ERO1A: variants seen among roughly 807,000 people sequenced by gnomAD.
ERO1A encodes endoplasmic reticulum oxidoreductase 1 alpha.
A neutral mutation model predicts 76.9 loss-of-function variants in ERO1A; 49 were observed. The observed-to-expected ratio is 0.64, with a 90% CI of 0.51 to 0.81. The LOEUF is 0.81. Among genes scored for constraint, ERO1A ranks in the 30% least tolerant of loss-of-function variants. The pLI is 0.00. For missense variants in ERO1A, 448 were observed against 542.1 expected (o/e 0.83, Z 1.72); for synonymous variants, 174 against 181.2 (o/e 0.96, Z 0.32).
intron 6 of ERO1A, among the ~76,000 whole-genome samples, chr14:52,669,838 T>C (rs2040538004): frequency 6.6e-6 from 1 of 152,218 alleles, no homozygotes. Flanking sequence ...AGCCACAAAA[T>C]TAAAAATACT....
At chr14:52,682,790 T>C (rs751946615) in intron 2 of ERO1A, among the ~76,000 whole-genome samples, 10 of 151,578 alleles carry the variant, frequency 6.6e-5, no homozygotes, top group Admixed American at 1.3e-4. Flanking sequence ...TCCTAGCTAC[T>C]CGGGAGGCTG....
chr14:52,695,150 A>G (rs1171458902), intron 1 of ERO1A, among the ~76,000 whole-genome samples: 1 of 152,222 alleles, frequency 6.6e-6, no homozygotes, highest in East Asian at 1.9e-4. Flanking sequence ...TCCTGGTCCG[A>G]GGCACCGGAG....
At chr14:52,692,713 T>C (rs1052368521) in intron 1 of ERO1A, among the ~76,000 whole-genome samples, 1 of 152,190 alleles carries the variant, frequency 6.6e-6, no homozygotes, top group Non-Finnish European at 1.5e-5. Context: ...AATGCCATAG[T>C]TATTTCTGTG....
chr14:52,680,086 A>C (rs191879818), intron 3 of ERO1A, among the ~76,000 whole-genome samples: 21 of 109,452 alleles, frequency 1.9e-4, no homozygotes, highest in South Asian at 9.6e-4. Flanking sequence ...CACAAACAAA[A>C]AAAAAAAAAA....
chr14:52,660,309 AT>A (rs1234497914), intron 9 of ERO1A, among the ~76,000 whole-genome samples: 1 of 152,116 alleles, frequency 6.6e-6, no homozygotes, highest in Non-Finnish European at 1.5e-5. Flanking sequence ...TTAACGATCT[AT>A]TTTTCTGATA....
chr14:52,688,629 C>G (rs2139785177), intron 1 of ERO1A, among the ~76,000 whole-genome samples: 1 of 152,256 alleles, frequency 6.6e-6, no homozygotes, highest in Admixed American at 6.5e-5. Context: ...AAGAAAAATA[C>G]AGCCGAATTT....
At chr14:52,645,264 A>C (rs191787768) in intron 15 of ERO1A, among the ~76,000 whole-genome samples, 84 of 151,770 alleles carry the variant, frequency 5.5e-4, no homozygotes, top group African/African-American at 2.0e-3. Flanking sequence ...AAATTCAATG[A>C]GTAATTATAA....
In ERO1A at chr14:52,683,922, A is replaced by G; in HGVS notation, c.115-15T>C. The stretch of plus-strand genomic sequence containing the variant: ...TAACCACTAACCTGTTACAAAGAAA[A>G]TGAAATATTAAATTGAAATGTCCTA... On this transcript the variant is annotated splice_polypyrimidine_tract_variant and intron_variant, in intron 1 of 15. Coordinates refer to ENST00000395686, the MANE Select transcript of ERO1A (RefSeq NM_014584.3). 1 of 1,556,414 alleles carries G rather than the reference A, an allele frequency of 6.4e-7. No homozygotes were observed.
At chr14:52,673,791 G>A (rs2040690881) in intron 4 of ERO1A, among the ~76,000 whole-genome samples, 1 of 151,720 alleles carries the variant, frequency 6.6e-6, no homozygotes, top group African/African-American at 2.4e-5. Flanking sequence ...AAGCTTAAGT[G>A]CAGTGGCACA....
chr14:52,675,419 G>A (rs780851277), intron 4 of ERO1A, among the ~76,000 whole-genome samples: 1 of 151,442 alleles, frequency 6.6e-6, no homozygotes, highest in Admixed American at 6.6e-5. Flanking sequence ...CTAGGTTACG[G>A]GTATAAGAAT....
chr14:52,669,018 C>T (rs968406611), intron 6 of ERO1A, among the ~76,000 whole-genome samples: 11 of 152,146 alleles, frequency 7.2e-5, no homozygotes, highest in Admixed American at 2.0e-4. Context: ...AAGCAGAAAA[C>T]ATGCGTTCTG....
chr14:52,661,241 T>C (rs544682246), intron 9 of ERO1A, 52 bp downstream of exon 9: 2 of 718,492 alleles, frequency 2.8e-6, no homozygotes, highest in East Asian at 6.7e-5. Context: ...ATAATAAACA[T>C]CTGAATGTAT....
intron 7 of ERO1A, among the ~76,000 whole-genome samples, chr14:52,664,736 G>A (rs2040346077): frequency 6.7e-6 from 1 of 149,070 alleles, no homozygotes; most frequent in Non-Finnish European, 1.5e-5. Flanking sequence ...CTGTCACCCA[G>A]GCTGGAGTGC....
At chr14:52,669,059 AC>A (rs2040510931) in intron 6 of ERO1A, among the ~76,000 whole-genome samples, 1 of 152,124 alleles carries the variant, frequency 6.6e-6, no homozygotes, top group African/African-American at 2.4e-5. Context: ...GTTTTCTATC[AC>A]TGAATAGAAC....
At chr14:52,669,732 T>C (rs1291813016) in intron 6 of ERO1A, among the ~76,000 whole-genome samples, 1 of 151,644 alleles carries the variant, frequency 6.6e-6, no homozygotes, top group Admixed American at 6.6e-5. Flanking sequence ...TTTCAGAGTT[T>C]CCAGATTTTA....
intron 6 of ERO1A, among the ~76,000 whole-genome samples, chr14:52,667,339 C>T (rs955261435): frequency 3.3e-5 from 5 of 152,204 alleles, no homozygotes; most frequent in African/African-American, 7.2e-5. Context: ...AGAGCATGGG[C>T]TCTGGAGCCA....
At chr14:52,644,291 G>T (rs2039570748) in intron 15 of ERO1A, among the ~76,000 whole-genome samples, 1 of 151,684 alleles carries the variant, frequency 6.6e-6, no homozygotes, top group African/African-American at 2.4e-5. Flanking sequence ...TTCTCTCTAT[G>T]AAAAACAAGA....
In ERO1A at chr14:52,646,223, T is replaced by C. The variant is rs746733475; in HGVS notation, c.1277A>G (p.Glu426Gly). ...FSEKLIANMP[E>G]SGPSYEFHLT... ...ATGGAATTCATAACTAGGTCCACTT[T>C]CTGGCATATTTGCTATCAATTTCTC... The change falls in exon 15 of 16, where the codon GAA becomes GGA. Residue 426 changes from glutamate to glycine, a missense_variant. Around this residue, in one of 2 missense-constraint regions of ERO1A, gnomAD observed 302 missense variants for 411.9 expected, o/e 0.73. Coordinates refer to ENST00000395686, the MANE Select transcript of ERO1A (RefSeq NM_014584.3). The C allele has an allele frequency of 6.2e-7, 1 of 1,613,946 alleles. No individual in the cohort carries two copies. The highest frequency in any genetic ancestry group is 1.3e-5 in the African/African-American group (1 of 75,052).
rs966491194 is a variant in ERO1A, at chr14:52,656,726, A to C, written c.808+1191T>G. On this transcript the variant is annotated intron_variant, in intron 11 of 15. Transcript: ENST00000395686. ...GACTCTGTCTCAAAAAAAAAAAAAAAAAAACAGTAAAATTACTAATGAGTT... is the reference window on the plus strand; with the variant it reads ...GACTCTGTCTCAAAAAAAAAAAAAACAAAACAGTAAAATTACTAATGAGTT... Among the ~76,000 whole-genome samples the C allele has an allele frequency of 7.9e-5, 12 of 151,986 alleles. No homozygotes were observed. In the East Asian group the frequency reaches 1.2e-3, roughly 15 times the overall value.
Sources: gnomAD v4.1 joint callset for allele counts (sites outside exome capture counted in the v4.1 genomes callset) on GRCh38, gnomAD v4.1.1 for gene constraint, gnomAD v4.1.1 regional missense constraint, MANE v1.5 for transcripts, NCBI Gene and HGNC (gene_info 2026-07-23, HGNC 2026-07-21) for gene names.